Variants in LRP1B observed in about 807,000 individuals in gnomAD.
LRP1B encodes low-density lipoprotein receptor-related protein 1B.
In LRP1B, 217 loss-of-function variants were observed where a neutral mutation model predicts 556.6. The ratio of observed to expected loss-of-function variants is 0.39; its 90% CI spans 0.35 to 0.44. LRP1B has a LOEUF of 0.44. Ranked by LOEUF, LRP1B falls within the 20% of genes least tolerant of loss-of-function variation. The pLI, the probability that LRP1B is intolerant of heterozygous loss-of-function variation, is 1.00. For synonymous variants in LRP1B, 2,047 were observed against 1,865.8 expected (o/e 1.10, Z -2.50); for missense variants, 5,053 against 5,620.8 (o/e 0.90, Z 3.23).
chr2:141,336,865 T>C (rs1687865401), intron 3 of LRP1B, among the ~76,000 whole-genome samples: 1 of 152,200 alleles, frequency 6.6e-6, no homozygotes, highest in Non-Finnish European at 1.5e-5. Flanking sequence ...CACCACGTTA[T>C]GTCTATCAAC....
At chr2:140,609,773 CCTCTT>C (rs1683003215) in intron 41 of LRP1B, among the ~76,000 whole-genome samples, 16 of 152,120 alleles carry the variant, frequency 1.1e-4, no homozygotes, top group Admixed American at 1.0e-3. Context: ...ACTGCCGTTA[CCTCTT>C]GTCTAAGCTT....
chr2:142,083,911 G>T (rs1422787729), intron 1 of LRP1B, among the ~76,000 whole-genome samples: 2 of 151,598 alleles, frequency 1.3e-5, no homozygotes, highest in Non-Finnish European at 2.9e-5. Flanking sequence ...AAACTATTTG[G>T]ATGAATCTTC....
At chr2:141,817,632 CAG>C (rs924960777) in intron 1 of LRP1B, among the ~76,000 whole-genome samples, 6 of 151,940 alleles carry the variant, frequency 3.9e-5, no homozygotes, top group African/African-American at 1.4e-4. Flanking sequence ...TTTCAGAAAA[CAG>C]AAACTATGTC....
intron 31 of LRP1B, among the ~76,000 whole-genome samples, chr2:140,822,957 A>C (rs1048174701): frequency 2.6e-5 from 4 of 152,224 alleles, no homozygotes; most frequent in African/African-American, 9.6e-5. Flanking sequence ...TGAGATGATT[A>C]ATGCAAAGCA....
At chr2:140,973,943 C>T (rs1181019516) in intron 18 of LRP1B, among the ~76,000 whole-genome samples, 8 of 151,982 alleles carry the variant, frequency 5.3e-5, no homozygotes, top group Admixed American at 3.3e-4. Flanking sequence ...TATTAAAATT[C>T]AAGTGAATGA....
intron 52 of LRP1B, among the ~76,000 whole-genome samples, chr2:140,508,198 A>G (rs116228563): frequency 0.037 from 5,653 of 152,194 alleles, 154 homozygotes; most frequent in Non-Finnish European, 0.047. Context: ...TTTTCTCTAC[A>G]TGAAACACCT....
At chr2:141,700,113 G>A (rs888123628) in intron 2 of LRP1B, among the ~76,000 whole-genome samples, 1 of 151,320 alleles carries the variant, frequency 6.6e-6, no homozygotes, top group African/African-American at 2.4e-5. Flanking sequence ...TGTTCATTAG[G>A]CTTCTGGTAA....
chr2:140,896,092 T>G (rs915942590), intron 23 of LRP1B, among the ~76,000 whole-genome samples: 1 of 152,032 alleles, frequency 6.6e-6, no homozygotes, highest in Non-Finnish European at 1.5e-5. Flanking sequence ...TTTCCCTGCC[T>G]CCTGTCCATA....
intron 2 of LRP1B, among the ~76,000 whole-genome samples, chr2:141,603,513 C>A (rs1369498958): frequency 1.3e-5 from 2 of 152,110 alleles, no homozygotes; most frequent in Non-Finnish European, 2.9e-5. Flanking sequence ...GGGAATTTTT[C>A]TGTCTCAAAA....
intron 7 of LRP1B, among the ~76,000 whole-genome samples, chr2:141,175,027 C>T (rs1270754716): frequency 6.6e-6 from 1 of 152,038 alleles, no homozygotes; most frequent in African/African-American, 2.4e-5. Flanking sequence ...ATTTGTGGAA[C>T]TTTAAACTTG....
At position 142,063,055 on chromosome 2, in the gene LRP1B, C is replaced by CA. The variant is rs1704980642; in HGVS notation, c.82+67592_82+67593insT. ...TCTAAAAGATGGAAGCATTACCTGA[C>CA]CAAAAAAAAAAAAAAGCTGAGTTTA... On this transcript the variant is annotated intron_variant, in intron 1 of 90. Coordinates refer to ENST00000389484, the MANE Select transcript of LRP1B (RefSeq NM_018557.3). 1.6e-4 allele frequency among the ~76,000 whole-genome samples: 9 copies of CA among 57,208 alleles called. No individual in the cohort carries two copies. In the East Asian group the frequency reaches 4.5e-3, roughly 29 times the overall value. The allele number at this position is 57,208 out of a possible 152,430, so 37.5% of individuals were successfully genotyped here. A position where few individuals can be genotyped will look rare whatever the true frequency, so the allele number is the denominator to read the frequency against.
At chr2:141,195,026 T>A (rs955075413) in intron 6 of LRP1B, among the ~76,000 whole-genome samples, 1 of 152,124 alleles carries the variant, frequency 6.6e-6, no homozygotes, top group Non-Finnish European at 1.5e-5. Flanking sequence ...TCTTTGATAC[T>A]CCTCCTTTTA....
At chr2:141,883,958 G>A (rs550798600) in intron 1 of LRP1B, among the ~76,000 whole-genome samples, 34 of 152,116 alleles carry the variant, frequency 2.2e-4, no homozygotes, top group Non-Finnish European at 4.4e-4. Context: ...ATGAAAGGAA[G>A]AAAACTGACC....
chr2:141,216,663 C>G (rs1406252492), intron 6 of LRP1B, among the ~76,000 whole-genome samples: 1 of 152,156 alleles, frequency 6.6e-6, no homozygotes, highest in Non-Finnish European at 1.5e-5. Flanking sequence ...CTGTGCAAGG[C>G]TTTGGGAGCT....
intron 7 of LRP1B, among the ~76,000 whole-genome samples, chr2:141,182,366 C>T (rs1681039451): frequency 6.6e-6 from 1 of 151,878 alleles, no homozygotes; most frequent in South Asian, 2.1e-4. Flanking sequence ...CATTATGTTG[C>T]ATCAATACCC....
At chr2:142,066,829 G>T (rs1299504120) in intron 1 of LRP1B, among the ~76,000 whole-genome samples, 3 of 151,422 alleles carry the variant, frequency 2.0e-5, no homozygotes, top group Non-Finnish European at 4.4e-5. Context: ...ATTTGTATTT[G>T]TTCCCTATTT....
chr2:141,164,887 A>G (rs1680185382), intron 7 of LRP1B, among the ~76,000 whole-genome samples: 1 of 152,042 alleles, frequency 6.6e-6, no homozygotes, highest in Admixed American at 6.6e-5. Flanking sequence ...TTTCCTACCT[A>G]ACTACTAAAG....
rs997318999 is a variant in LRP1B at position 140,358,877 on chromosome 2, T to C, written c.11201A>G (p.Gln3734Arg). 6.2e-6 allele frequency: 10 copies of C among 1,609,472 alleles called. No individual in the cohort carries two copies. The highest frequency in any genetic ancestry group is 3.3e-4 in the Middle Eastern group (2 of 6,032). ...RNNRICLQSE[Q>R]MCNGIDECGD... ...GCATTCATCAATCCCATTGCACATT[T>C]GCTCCGACTGTAGGCATATTCTGTT... The change falls in exon 73 of 91, where the codon CAA (glutamine) becomes CGA (arginine). Residue 3734 changes from glutamine to arginine, a missense_variant. Gln to Arg is a conservative substitution (Grantham distance 43). Coordinates refer to ENST00000389484, the MANE Select transcript of LRP1B (RefSeq NM_018557.3).
intron 1 of LRP1B, among the ~76,000 whole-genome samples, chr2:142,040,403 CA>C (rs1321059817): frequency 6.6e-6 from 1 of 151,332 alleles, no homozygotes; most frequent in African/African-American, 2.4e-5. Context: ...AGGAGGCATA[CA>C]ATCATTTAGA....
Sources: allele counts gnomAD v4.1 joint callset (sites outside exome capture counted in the v4.1 genomes callset), GRCh38; gene constraint gnomAD v4.1.1; transcripts MANE v1.5; gene names NCBI Gene and HGNC (gene_info 2026-07-23, HGNC 2026-07-21).